MYO18A: variants seen among roughly 807,000 people sequenced by gnomAD.
MYO18A encodes the protein unconventional myosin-XVIIIa.
A neutral mutation model predicts 235.8 loss-of-function variants in MYO18A; 78 were observed. The observed-to-expected ratio is 0.33, with a 90% CI of 0.28 to 0.40. MYO18A has a LOEUF of 0.40. Among genes scored for constraint, MYO18A ranks in the 10% least tolerant of loss-of-function variants. The probability of loss-of-function intolerance (pLI) is 1.00; values close to 1 mark genes in which losing one functional copy is unlikely to be tolerated. For synonymous variants in MYO18A, 977 were observed against 1,077.8 expected, an observed-to-expected ratio of 0.91 and a Z score of 1.83; for missense variants, 2,215 against 2,699.3, an observed-to-expected ratio of 0.82 and a Z score of 3.98.
chr17:29,150,627 G>A (rs961469279), intron 2 of MYO18A, among the ~76,000 whole-genome samples: 6 of 152,220 alleles, frequency 3.9e-5, no homozygotes, highest in Non-Finnish European at 8.8e-5. Flanking sequence ...GTTTAGAGCC[G>A]TACTGTTCAA....
In MYO18A at chr17:29,125,727, G is replaced by C. The variant is rs908284899; in HGVS notation, c.1000-3474C>G. 5.3e-5 allele frequency among the ~76,000 whole-genome samples: 8 copies of C among 152,232 alleles called. No individual in the cohort carries two copies. Among genetic ancestry groups the C allele is most frequent in the Non-Finnish European group, 1.2e-4 (8 of 68,040 alleles). On this transcript the variant is annotated intron_variant, in intron 2 of 41. Transcript: ENST00000527372. This position sits in a 1 kb window ranked among gnomAD's most constrained non-coding sequence, Gnocchi z 5.1. ...CTCTCTGGAGGAACCACTCTCCCCA[G>C]AGCACTTCTCTCATTTCTTTAAGAG...
In MYO18A at chr17:29,114,116, CGGTAGT is replaced by C; in HGVS notation, c.2512-25_2512-20del. 6.4e-7 allele frequency: 1 copy of C among 1,567,214 alleles called. No homozygotes were observed. The highest frequency in any genetic ancestry group is 8.7e-7 in the Non-Finnish European group (1 of 1,152,878). On this transcript the variant is annotated intron_variant, in intron 14 of 41. Coordinates refer to ENST00000527372, the MANE Select transcript of MYO18A (RefSeq NM_078471.4). Reference sequence around the variant, plus strand: ...TGTTCTCCTGGGAAAGAAGGCCGAGCGGTAGTGAGCATGGGGGTCACATTGTGGGGA... The same window carrying C: ...TGTTCTCCTGGGAAAGAAGGCCGAGCGAGCATGGGGGTCACATTGTGGGGA...
chr17:29,128,860 A>G (rs1241067548), intron 2 of MYO18A, among the ~76,000 whole-genome samples: 1 of 152,192 alleles, frequency 6.6e-6, no homozygotes. Flanking sequence ...GAGGCCTATG[A>G]GGTGCTCTGG....
chr17:29,117,765 G>C lies in MYO18A; in HGVS notation c.2038+280C>G, dbSNP rs1362459178. 6.6e-6 allele frequency among the ~76,000 whole-genome samples: 1 copy of C among 152,182 alleles called. No homozygotes were observed. Among genetic ancestry groups the C allele is most frequent in the African/African-American group, 2.4e-5 (1 of 41,448 alleles). ...ATTCCAGCGGGGCTGCCCTGCCTTA[G>C]TGCCCTTCTCATCCCTCAGCCTCTG... On this transcript the variant is annotated intron_variant, in intron 10 of 41. Transcript: ENST00000527372. The surrounding 1 kb of genome is among the most constrained non-coding windows in gnomAD (Gnocchi z 4.6).
In MYO18A at chr17:29,089,461, A is replaced by G. The variant is rs1361881866; in HGVS notation, c.5526+500T>C. 2.0e-5 allele frequency among the ~76,000 whole-genome samples: 3 copies of G among 150,486 alleles called. No individual in the cohort carries two copies. The East Asian group carries it at 5.8e-4, about 29-fold the overall frequency. On this transcript the variant is annotated intron_variant, in intron 37 of 41. Coordinates refer to ENST00000527372, the MANE Select transcript of MYO18A (RefSeq NM_078471.4). Reference sequence around the variant, plus strand: ...AAAAAAAAAAATGAAGGGAGAAGAAAGAATAGGATCATAATCAAGAAAAAG... The same window carrying G: ...AAAAAAAAAAATGAAGGGAGAAGAAGGAATAGGATCATAATCAAGAAAAAG...
chr17:29,088,171 C>T (rs1000501503), intron 37 of MYO18A, among the ~76,000 whole-genome samples: 1 of 151,348 alleles, frequency 6.6e-6, no homozygotes, highest in Admixed American at 6.6e-5. Flanking sequence ...TCTCCTGCCT[C>T]AGCCTCCGGA....
At chr17:29,113,962 G>T in intron 15 of MYO18A, 49 bp downstream of exon 15, 1 of 1,441,134 alleles carries the variant, frequency 6.9e-7, no homozygotes, top group Non-Finnish European at 9.6e-7. Flanking sequence ...GGGGAGAGGG[G>T]TGGGGAACGA....
chr17:29,107,603 T>TA (rs35996808), intron 19 of MYO18A: 2,342 of 102,812 alleles, frequency 0.023, 47 homozygotes, highest in Non-Finnish European at 0.033. Flanking sequence ...CTTATGGTCT[T>TA]AAAAAAAAAA....
chr17:29,136,250 A>AAAAAAAAATATAT (rs1483354837), intron 2 of MYO18A, among the ~76,000 whole-genome samples: 2 of 82,472 alleles, frequency 2.4e-5, no homozygotes, highest in African/African-American at 9.2e-5. Context: ...AAAAAAAAAA[A>AAAAAAAAATATAT]ATATATATAT....
intron 26 of MYO18A, 68 bp downstream of exon 26, chr17:29,097,720 C>T (rs2066553874): frequency 2.2e-6 from 3 of 1,384,680 alleles, no homozygotes; most frequent in Non-Finnish European, 3.0e-6. Flanking sequence ...AGGGGCATGA[C>T]TACCCAGGGG....
At chr17:29,119,202 T>TA in intron 8 of MYO18A, 133 bp downstream of exon 8, 1 of 635,604 alleles carries the variant, frequency 1.6e-6, no homozygotes, top group African/African-American at 1.8e-5. Context: ...GCCTAGCACA[T>TA]AGCAGACATG....
chr17:29,117,068 T>C lies in MYO18A; in HGVS notation c.2039-613A>G, dbSNP rs2067090171. 6.6e-6 allele frequency among the ~76,000 whole-genome samples: 1 copy of C among 152,008 alleles called. No homozygotes were observed. Among genetic ancestry groups the C allele is most frequent in the Admixed American group, 6.5e-5 (1 of 15,268 alleles). On this transcript the variant is annotated intron_variant, in intron 10 of 41. Coordinates refer to ENST00000527372, the MANE Select transcript of MYO18A (RefSeq NM_078471.4). This position sits in a 1 kb window ranked among gnomAD's most constrained non-coding sequence, Gnocchi z 4.6. Reference sequence around the variant, plus strand: ...ATACACCCACCACCTGCCAGGACTTTCTCACTCCAGCTGAGCAGCCTGGGG... The same window carrying C: ...ATACACCCACCACCTGCCAGGACTTCCTCACTCCAGCTGAGCAGCCTGGGG...
Position 29,114,975 on chromosome 17 carries a change from T to G in MYO18A, c.2443A>C (p.Thr815Pro). Residue 815 changes from threonine to proline, a missense_variant, in exon 14 of 42, where the codon ACC (threonine) becomes CCC (proline). Transcript: ENST00000527372. ...ASFEELCHNY[T>P]QDRLQRLFHE... ...AAGAGCCTCTGCAGCCGGTCTTGGGTGTAGTTGTGGCACAGCTCCTCAAAG... is the reference window on the plus strand; with the variant it reads ...AAGAGCCTCTGCAGCCGGTCTTGGGGGTAGTTGTGGCACAGCTCCTCAAAG... The G allele has an allele frequency of 6.2e-7, 1 of 1,613,976 alleles. No homozygotes were observed.
rs1378140771 is a variant in MYO18A, at chr17:29,120,793, G to A, written c.1586-35C>T. ...ACAGGCCCAAGGGGATATCAGGAAA[G>A]CCAGGGGCAGCTTATCCCCCAGCTA... On this transcript the variant is annotated intron_variant, in intron 6 of 41. Transcript: ENST00000527372. This position sits in a 1 kb window ranked among gnomAD's most constrained non-coding sequence, Gnocchi z 4.2. 8 of 1,598,276 alleles carry A rather than the reference G, an allele frequency of 5.0e-6. No individual in the cohort carries two copies. The highest frequency in any genetic ancestry group is 6.8e-6 in the Non-Finnish European group (8 of 1,170,674).
intron 1 of MYO18A, among the ~76,000 whole-genome samples, chr17:29,179,496 C>A (rs2068602837): frequency 6.6e-6 from 1 of 152,202 alleles, no homozygotes; most frequent in African/African-American, 2.4e-5. Flanking sequence ...GGGGCAGCCA[C>A]CCCTACCACC....
chr17:29,095,129 G>A, intron 28 of MYO18A, 70 bp from the exon 29 acceptor site: 1 of 1,467,872 alleles, frequency 6.8e-7, no homozygotes, highest in African/African-American at 1.4e-5. Context: ...ACTGTCAGGA[G>A]GTGGTGCCAT....
chr17:29,146,642 A>T (rs764316748), intron 2 of MYO18A, among the ~76,000 whole-genome samples: 3 of 152,228 alleles, frequency 2.0e-5, no homozygotes, highest in Admixed American at 6.5e-5. Flanking sequence ...TTATTCAAAG[A>T]GTCACACATC....
chr17:29,172,825 G>A (rs972739155), intron 1 of MYO18A, among the ~76,000 whole-genome samples: 3 of 152,308 alleles, frequency 2.0e-5, no homozygotes, highest in Middle Eastern at 3.4e-3. Context: ...TGAGTCCAGA[G>A]GGCCCACGTA....
Position 29,120,847 on chromosome 17 carries a change from G to T in MYO18A, c.1586-89C>A. ...GCTACCCCAGAGGTATGAAGGCTTG[G>T]GGCCATTCAGACCAGAACTGCCCGT... On this transcript the variant is annotated intron_variant, in intron 6 of 41. Transcript: ENST00000527372. This position sits in a 1 kb window ranked among gnomAD's most constrained non-coding sequence, Gnocchi z 4.2. 3 of 1,568,882 alleles carry T rather than the reference G, an allele frequency of 1.9e-6. No homozygotes were observed. Among genetic ancestry groups the T allele is most frequent in the Non-Finnish European group, 2.6e-6 (3 of 1,154,588 alleles).
Sources: allele counts gnomAD v4.1 joint callset (sites outside exome capture counted in the v4.1 genomes callset), GRCh38; gene constraint gnomAD v4.1.1; non-coding constraint Gnocchi (gnomAD v3.1); transcripts MANE v1.5; gene names NCBI Gene and HGNC (gene_info 2026-07-23, HGNC 2026-07-21).